CRACD: variants seen among roughly 807,000 people sequenced by gnomAD.
CRACD encodes capping protein-inhibiting regulator of actin dynamics.
Under a neutral mutation model 106.8 loss-of-function variants are expected in CRACD, and 56 were observed. The observed-to-expected ratio is 0.52, with a 90% CI of 0.42 to 0.66. The LOEUF is 0.66. Ranked by LOEUF, CRACD falls within the 30% of genes least tolerant of loss-of-function variation. The pLI is 0.00. For synonymous variants in CRACD, 754 were observed against 670.8 expected, an observed-to-expected ratio of 1.12 and a Z score of -1.92; for missense variants, 1,730 against 1,623.2, an observed-to-expected ratio of 1.07 and a Z score of -1.13.
At chr4:56,146,855 G>T (rs1470466526) in intron 1 of CRACD, among the ~76,000 whole-genome samples, 1 of 152,154 alleles carries the variant, frequency 6.6e-6, no homozygotes, top group Non-Finnish European at 1.5e-5. Flanking sequence ...GAGAAGCAAG[G>T]TGTAGTAAAA....
At chr4:56,190,096 T>C (rs2109454340) in intron 2 of CRACD, among the ~76,000 whole-genome samples, 1 of 151,488 alleles carries the variant, frequency 6.6e-6, no homozygotes, top group African/African-American at 2.4e-5. Flanking sequence ...TGCGATAGTT[T>C]GCTGAGAATG....
Position 56,313,338 on chromosome 4 carries a change from A to G in CRACD, c.496A>G (p.Lys166Glu), listed in dbSNP as rs1745279939. Residue 166 changes from lysine to glutamate, a missense_variant, in exon 7 of 11, where the codon AAA becomes GAA. By Grantham distance (56) the Lys-to-Glu change is moderately conservative (BLOSUM62 1). Transcript: ENST00000682029. Reference protein sequence around the residue: ...AAKHKLAVKPKKQRVSKKHRR... With the variant: ...AAKHKLAVKPEKQRVSKKHRR... ...CAAGCACAAGCTGGCTGTTAAGCCA[A>G]AAAAACAGAGGGTGTCAAAGAAGCA... The G allele has an allele frequency of 6.2e-7, 1 of 1,614,086 alleles. No individual in the cohort carries two copies. Among genetic ancestry groups the G allele is most frequent in the Non-Finnish European group, 8.5e-7 (1 of 1,180,056 alleles).
At chr4:56,185,397 G>A (rs1473745893) in intron 2 of CRACD, among the ~76,000 whole-genome samples, 1 of 152,084 alleles carries the variant, frequency 6.6e-6, no homozygotes, top group Non-Finnish European at 1.5e-5. Context: ...GCCACTGGCA[G>A]CCACCAATCT....
intron 1 of CRACD, among the ~76,000 whole-genome samples, chr4:56,071,189 GT>G (rs1732635759): frequency 6.6e-6 from 1 of 152,114 alleles, no homozygotes; most frequent in Non-Finnish European, 1.5e-5. Flanking sequence ...TTCTCCTAAA[GT>G]TTTTGCCCTA....
At chr4:56,144,928 A>G (rs1288440123) in intron 1 of CRACD, among the ~76,000 whole-genome samples, 1 of 152,104 alleles carries the variant, frequency 6.6e-6, no homozygotes, top group Admixed American at 6.5e-5. Context: ...TGCTGGGATG[A>G]CAGGTGTGCA....
At chr4:56,316,836 A>C in intron 8 of CRACD, 147 bp downstream of exon 8, 1 of 1,004,080 alleles carries the variant, frequency 1.0e-6, no homozygotes, top group Non-Finnish European at 1.4e-6. Flanking sequence ...CTGCAGAACA[A>C]AACCGTGGGG....
In CRACD at chr4:56,171,292, A is replaced by G. The variant is rs75207264; in HGVS notation, c.-335-7992A>G. 9.4e-4 allele frequency among the ~76,000 whole-genome samples: 143 copies of G among 152,298 alleles called. No individual in the cohort carries two copies. In the East Asian group the frequency reaches 0.017, roughly 18 times the overall value. On this transcript the variant is annotated intron_variant, in intron 1 of 10. Transcript: ENST00000682029. ...AAAAAAAAAAAGAAAGACTATGGTC[A>G]TTATAGCTGACGAGGAACAGATACT...
In CRACD at chr4:56,315,062, G is replaced by C; in HGVS notation, c.1560G>C (p.Glu520Asp). 1 of 1,609,604 alleles carries C rather than the reference G, an allele frequency of 6.2e-7. No homozygotes were observed. Among genetic ancestry groups the C allele is most frequent in the South Asian group, 1.1e-5 (1 of 89,696 alleles). The stretch of plus-strand genomic sequence containing the variant: ...CCCTTGAACAAGGCCGCAAGGTGGA[G>C]GAGCTGCGGTGGCAGGAGGTGGACG... ...AAALEQGRKV[E>D]ELRWQEVDER... The change falls in exon 8 of 11, where the codon GAG becomes GAC. Residue 520 changes from glutamate to aspartate, a missense_variant. Transcript: ENST00000682029. This position sits in a 1 kb window ranked among gnomAD's most constrained non-coding sequence, Gnocchi z 4.1.
intron 2 of CRACD, among the ~76,000 whole-genome samples, chr4:56,199,318 A>G (rs113784399): frequency 1.3e-3 from 198 of 152,342 alleles, no homozygotes; most frequent in African/African-American, 4.6e-3. Context: ...TTGGTTATAT[A>G]GATATTTTCA....
At chr4:56,119,864 T>C (rs1364236928) in intron 1 of CRACD, among the ~76,000 whole-genome samples, 1 of 152,152 alleles carries the variant, frequency 6.6e-6, no homozygotes, top group Non-Finnish European at 1.5e-5. Flanking sequence ...CTGCTCATTC[T>C]CCCTGCTCCA....
At chr4:56,299,965 CG>C (rs1398416795) in intron 4 of CRACD, among the ~76,000 whole-genome samples, 1 of 151,854 alleles carries the variant, frequency 6.6e-6, no homozygotes, top group Non-Finnish European at 1.5e-5. Flanking sequence ...AGTGAAACCC[CG>C]TCTCTACTAA....
intron 2 of CRACD, among the ~76,000 whole-genome samples, chr4:56,245,999 G>A (rs903503809): frequency 1.3e-5 from 2 of 152,162 alleles, no homozygotes. Flanking sequence ...AGGATTGTCT[G>A]GCATTTGTCC....
chr4:56,088,054 A>G (rs946691306), intron 1 of CRACD, among the ~76,000 whole-genome samples: 7 of 151,656 alleles, frequency 4.6e-5, no homozygotes, highest in African/African-American at 1.7e-4. Flanking sequence ...ATTTTCTAAC[A>G]CTTACAGAAT....
intron 2 of CRACD, among the ~76,000 whole-genome samples, chr4:56,187,828 A>G (rs1361660903): frequency 6.6e-6 from 1 of 152,184 alleles, no homozygotes; most frequent in Non-Finnish European, 1.5e-5. Flanking sequence ...ACAGCAAGAC[A>G]GTTTCTGCTC....
At position 56,315,656 on chromosome 4, in the gene CRACD, G is replaced by T. The variant is rs370151569; in HGVS notation, c.2154G>T (p.Lys718Asn). Residue 718 changes from lysine to asparagine, a missense_variant, in exon 8 of 11, where the codon AAG (lysine) becomes AAT (asparagine). Around this residue, in one of 5 missense-constraint regions of CRACD, gnomAD observed 1,620 missense variants for 1,481.6 expected, o/e 1.09. Coordinates refer to ENST00000682029, the MANE Select transcript of CRACD (RefSeq NM_001393381.1). This position sits in a 1 kb window ranked among gnomAD's most constrained non-coding sequence, Gnocchi z 4.1. ...GGAAGACTCCGCCAGTCAATGCAAA[G>T]TTCTCTATTATGCCTGCCTGGCAGA... is the stretch of plus-strand genomic sequence containing the variant. ...NQRKTPPVNA[K>N]FSIMPAWQKF... 5.6e-6 allele frequency: 9 copies of T among 1,614,110 alleles called. No individual in the cohort carries two copies. The highest frequency in any genetic ancestry group is 2.2e-5 in the East Asian group (1 of 44,888).
At position 56,316,220 on chromosome 4, in the gene CRACD, C is replaced by A. The variant is rs765604960; in HGVS notation, c.2718C>A (p.Leu906=). ...EGVALKHGPS[L]PQERKQAPST... Reference sequence around the variant, plus strand: ...TGGCCCTCAAGCATGGTCCATCCCTCCCCCAAGAGCGGAAGCAAGCCCCTT... The same window carrying A: ...TGGCCCTCAAGCATGGTCCATCCCTACCCCAAGAGCGGAAGCAAGCCCCTT... The change falls in exon 8 of 11, where the codon CTC becomes CTA. Residue 906 remains leucine (L), a synonymous_variant. Transcript: ENST00000682029. 4 of 1,614,068 alleles carry A rather than the reference C, an allele frequency of 2.5e-6. No individual in the cohort carries two copies. Among genetic ancestry groups the A allele is most frequent in the Admixed American group, 3.3e-5 (2 of 60,024 alleles).
At chr4:56,320,714 C>A (rs930010750) in intron 8 of CRACD, 1 of 152,392 alleles carries the variant, frequency 6.6e-6, no homozygotes, top group African/African-American at 2.4e-5. Context: ...GTTATCACAG[C>A]CCCATCATAG....
chr4:56,065,168 A>G lies in CRACD; in HGVS notation c.-336+15869A>G, dbSNP rs183056849. Among the ~76,000 whole-genome samples the G allele has an allele frequency of 1.3e-4, 19 of 151,738 alleles. No homozygotes were observed. In the East Asian group the frequency reaches 3.5e-3, roughly 28 times the overall value. ...AATGACATGATCTCAGCTCACTGCA[A>G]CCTCCACCTCCCAGGTTCAAGCAAT... On this transcript the variant is annotated intron_variant, in intron 1 of 10. Transcript: ENST00000682029.
intron 2 of CRACD, among the ~76,000 whole-genome samples, chr4:56,185,571 A>G (rs1315572785): frequency 6.6e-6 from 1 of 152,174 alleles, no homozygotes; most frequent in East Asian, 1.9e-4. Flanking sequence ...CTATGGGAAT[A>G]TTATCTTTCT....
Sources: allele counts gnomAD v4.1 joint callset (sites outside exome capture counted in the v4.1 genomes callset), GRCh38; gene constraint gnomAD v4.1.1; regional missense constraint gnomAD v4.1.1; non-coding constraint Gnocchi (gnomAD v3.1); transcripts MANE v1.5; gene names NCBI Gene and HGNC (gene_info 2026-07-23, HGNC 2026-07-21).